GPR63: variants seen among roughly 807,000 people sequenced by gnomAD.
GPR63 encodes probable G protein-coupled receptor 63.
In GPR63, 12 loss-of-function variants were observed where a neutral mutation model predicts 23.1. The ratio of observed to expected loss-of-function variants is 0.52; its 90% CI spans 0.33 to 0.84. GPR63 has a LOEUF of 0.84. GPR63 is among the 40% of genes least tolerant of loss of function. The probability of loss-of-function intolerance (pLI) is 0.02; values close to 1 mark genes in which losing one functional copy is unlikely to be tolerated. For missense variants in GPR63, 472 were observed against 515.6 expected (o/e 0.92, Z 0.82); for synonymous variants, 172 against 191.1 (o/e 0.90, Z 0.82).
At chr6:96,822,272 G>A (rs1199898827) in intron 1 of GPR63, among the ~76,000 whole-genome samples, 1 of 152,054 alleles carries the variant, frequency 6.6e-6, no homozygotes, top group African/African-American at 2.4e-5. Context: ...GATTGGTGAA[G>A]AGCAATGTTG....
At chr6:96,811,094 A>T (rs1279866697) in intron 1 of GPR63, among the ~76,000 whole-genome samples, 1 of 152,204 alleles carries the variant, frequency 6.6e-6, no homozygotes, top group African/African-American at 2.4e-5. Flanking sequence ...CAAGCTTCCC[A>T]GGGCTCCCAG....
At chr6:96,828,618 G>A (rs1471651032) in intron 1 of GPR63, among the ~76,000 whole-genome samples, 1 of 146,460 alleles carries the variant, frequency 6.8e-6, no homozygotes, top group Non-Finnish European at 1.5e-5. Flanking sequence ...AAGAAGGCAA[G>A]AAAGGAAAGA....
chr6:96,810,932 G>C (rs910709314), intron 1 of GPR63, among the ~76,000 whole-genome samples: 1 of 152,124 alleles, frequency 6.6e-6, no homozygotes, highest in Non-Finnish European at 1.5e-5. Flanking sequence ...GAGGATGCAA[G>C]CTGCAACCTA....
At position 96,798,372 on chromosome 6, in the gene GPR63, C is replaced by T; in HGVS notation, c.*100G>A. On this transcript the variant is annotated 3_prime_UTR_variant, in exon 2 of 2. Transcript: ENST00000229955. The stretch of plus-strand genomic sequence containing the variant: ...TACACTGCTCACACACATACATACA[C>T]AAACCCTATAAAAAAAAATAAAGTG... 2.4e-6 allele frequency: 3 copies of T among 1,265,022 alleles called. No individual in the cohort carries two copies. The highest frequency in any genetic ancestry group is 1.5e-5 in the South Asian group (1 of 66,602). The allele number at this position is 1,265,022 out of a possible 1,614,324, so 78.4% of individuals were successfully genotyped here. A position where few individuals can be genotyped will look rare whatever the true frequency, so the allele number is the denominator to read the frequency against.
At chr6:96,836,995 G>A (rs1774747695) in intron 1 of GPR63, among the ~76,000 whole-genome samples, 1 of 152,052 alleles carries the variant, frequency 6.6e-6, no homozygotes, top group South Asian at 2.1e-4. Context: ...AGACGGGCAG[G>A]GGAGGGGGGC....
intron 1 of GPR63, among the ~76,000 whole-genome samples, chr6:96,804,309 T>C (rs1232690042): frequency 6.6e-6 from 1 of 152,148 alleles, no homozygotes; most frequent in African/African-American, 2.4e-5. Context: ...CAATCACAGC[T>C]CACTGTAGCC....
chr6:96,799,677 A>G lies in GPR63; in HGVS notation c.55T>C (p.Phe19Leu), dbSNP rs2127942323. 6.2e-7 allele frequency: 1 copy of G among 1,614,164 alleles called. No individual in the cohort carries two copies. The highest frequency in any genetic ancestry group is 8.5e-7 in the Non-Finnish European group (1 of 1,179,994). ...ATGTAGGTGTTTTCATACACGACAAATGTTGTGTTGGATGTCCCGGTATGG... is the reference window on the plus strand; with the variant it reads ...ATGTAGGTGTTTTCATACACGACAAGTGTTGTGTTGGATGTCCCGGTATGG... ...AFHTGTSNTT[F>L]VVYENTYMNI... The change falls in exon 2 of 2, where the codon TTT (phenylalanine) becomes CTT (leucine). Residue 19 changes from phenylalanine (F) to leucine (L), a missense_variant. Coordinates refer to ENST00000229955, the MANE Select transcript of GPR63 (RefSeq NM_030784.4).
chr6:96,821,007 A>G (rs1417800027), intron 1 of GPR63, among the ~76,000 whole-genome samples: 2 of 152,170 alleles, frequency 1.3e-5, no homozygotes, highest in African/African-American at 4.8e-5. Context: ...CTATCTATTG[A>G]GCACTCCCAC....
chr6:96,832,857 G>A (rs941643221), intron 1 of GPR63, among the ~76,000 whole-genome samples: 1 of 151,926 alleles, frequency 6.6e-6, no homozygotes, highest in Non-Finnish European at 1.5e-5. Flanking sequence ...AAACAAAAAT[G>A]AGAAGTTCCC....
Position 96,799,155 on chromosome 6 carries a change from A to G in GPR63, c.577T>C (p.Tyr193His). ...IVQRQDKLNP[Y>H]RAKVLIAVSW... ...ACTGCAATCAGAACCTTAGCTCTATATGGGTTTAGCTTATCCTGCCTCTGG... is the reference window on the plus strand; with the variant it reads ...ACTGCAATCAGAACCTTAGCTCTATGTGGGTTTAGCTTATCCTGCCTCTGG... The change falls in exon 2 of 2, where the codon TAT (tyrosine) becomes CAT (histidine). Residue 193 changes from tyrosine to histidine, a missense_variant. Tyr to His is a moderately conservative substitution (Grantham distance 83). Transcript: ENST00000229955. 1 of 1,614,186 alleles carries G rather than the reference A, an allele frequency of 6.2e-7. No individual in the cohort carries two copies.
intron 1 of GPR63, among the ~76,000 whole-genome samples, chr6:96,802,960 C>G (rs924497077): frequency 1.3e-5 from 2 of 152,072 alleles, no homozygotes; most frequent in African/African-American, 4.8e-5. Flanking sequence ...AACTGGAAAA[C>G]TGACTGAAAA....
chr6:96,809,330 T>C (rs911968403), intron 1 of GPR63, among the ~76,000 whole-genome samples: 15 of 152,138 alleles, frequency 9.9e-5, no homozygotes, highest in African/African-American at 3.1e-4. Flanking sequence ...CTGCCTGTTA[T>C]CTCTACCATG....
Position 96,798,379 on chromosome 6 carries a change from T to TA in GPR63, c.*92dup, listed in dbSNP as rs1773646859. ...CTCACACACATACATACACAAACCCTATAAAAAAAAATAAAGTGGAGAGGC... is the reference window on the plus strand; with the variant it reads ...CTCACACACATACATACACAAACCCTAATAAAAAAAAATAAAGTGGAGAGGC... On this transcript the variant is annotated 3_prime_UTR_variant, in exon 2 of 2. Coordinates refer to ENST00000229955, the MANE Select transcript of GPR63 (RefSeq NM_030784.4). 12 of 1,333,446 alleles carry TA rather than the reference T, an allele frequency of 9.0e-6. No individual in the cohort carries two copies. The South Asian group carries it at 1.4e-4, about 16-fold the overall frequency. 82.6% of individuals were successfully genotyped at this position (1,333,446 alleles called of 1,614,324 possible).
chr6:96,803,978 T>C (rs777867134), intron 1 of GPR63, among the ~76,000 whole-genome samples: 23 of 152,160 alleles, frequency 1.5e-4, no homozygotes, highest in Non-Finnish European at 2.5e-4. Context: ...GCATACATAA[T>C]ACACATGTTT....
At chr6:96,825,622 G>T (rs1002656290) in intron 1 of GPR63, among the ~76,000 whole-genome samples, 5 of 151,932 alleles carry the variant, frequency 3.3e-5, no homozygotes, top group Non-Finnish European at 7.4e-5. Flanking sequence ...TTTGGTGCCT[G>T]TTTACTCAAG....
chr6:96,837,320 C>T lies in GPR63; in HGVS notation c.-203G>A, dbSNP rs890213115. On this transcript the variant is annotated 5_prime_UTR_variant, in exon 1 of 2. Transcript: ENST00000229955. ...CCGCGGAAGAGCCCAGGGAGCATGGCTCCATGTAGTCCCTCCCGGAACTTT... is the reference window on the plus strand; with the variant it reads ...CCGCGGAAGAGCCCAGGGAGCATGGTTCCATGTAGTCCCTCCCGGAACTTT... 2 of 152,428 alleles carry T rather than the reference C, an allele frequency of 1.3e-5. No homozygotes were observed. Among genetic ancestry groups the T allele is most frequent in the Admixed American group, 6.5e-5 (1 of 15,292 alleles). The allele number at this position is 152,428 out of a possible 1,614,324, so 9.4% of individuals were successfully genotyped here.
intron 1 of GPR63, among the ~76,000 whole-genome samples, chr6:96,819,476 A>G (rs1277068697): frequency 6.6e-6 from 1 of 151,932 alleles, no homozygotes; most frequent in Admixed American, 6.6e-5. Context: ...ATGAGAACAC[A>G]TGGAGACAGG....
chr6:96,816,473 A>C (rs557543611), intron 1 of GPR63, among the ~76,000 whole-genome samples: 21 of 152,198 alleles, frequency 1.4e-4, no homozygotes, highest in Non-Finnish European at 3.1e-4. Flanking sequence ...CACCAAAAAC[A>C]ACCAAAAAAG....
chr6:96,810,473 C>T (rs550570872), intron 1 of GPR63, among the ~76,000 whole-genome samples: 12 of 146,340 alleles, frequency 8.2e-5, no homozygotes, highest in East Asian at 8.0e-4. Flanking sequence ...CCAGCGCAGG[C>T]GACAGTGCGA....
Sources: allele counts gnomAD v4.1 joint callset (sites outside exome capture counted in the v4.1 genomes callset), GRCh38; gene constraint gnomAD v4.1.1; transcripts MANE v1.5; gene names NCBI Gene and HGNC (gene_info 2026-07-23, HGNC 2026-07-21).